Variants in SOAT1 observed in about 807,000 individuals in gnomAD.
The protein encoded by SOAT1 is sterol O-acyltransferase 1.
SOAT1 carries 55 observed loss-of-function variants against 69.5 expected under a neutral mutation model. The ratio of observed to expected loss-of-function variants is 0.79; its 90% CI spans 0.64 to 0.99. The LOEUF (loss-of-function observed/expected upper bound fraction) is 0.99, where lower values mean the gene tolerates loss of function less well. Among genes scored for constraint, SOAT1 ranks in the 50% least tolerant of loss-of-function variants. The pLI, the probability that SOAT1 is intolerant of heterozygous loss-of-function variation, is 0.00. For synonymous variants in SOAT1, 231 were observed against 224.7 expected (o/e 1.03, Z -0.25); for missense variants, 580 against 669.3 (o/e 0.87, Z 1.47).
At chr1:179,338,335 G>A (rs1666226221) in intron 5 of SOAT1, among the ~76,000 whole-genome samples, 1 of 152,146 alleles carries the variant, frequency 6.6e-6, no homozygotes, top group African/African-American at 2.4e-5. Flanking sequence ...GTTGCCATGG[G>A]CTGAGATTGT....
chr1:179,323,385 A>G (rs1042503272), intron 2 of SOAT1, 52 bp from the exon 3 acceptor site: 17 of 1,452,620 alleles, frequency 1.2e-5, no homozygotes, highest in Admixed American at 1.7e-5. Context: ...AGACAGTGCT[A>G]CTAGGTAGCT....
chr1:179,311,992 G>T (rs1665235403), intron 2 of SOAT1, among the ~76,000 whole-genome samples: 1 of 152,222 alleles, frequency 6.6e-6, no homozygotes, highest in Non-Finnish European at 1.5e-5. Context: ...TGTTGGAGAA[G>T]AGGTTGAAAG....
At chr1:179,301,862 C>T (rs969411299) in intron 1 of SOAT1, among the ~76,000 whole-genome samples, 4 of 152,152 alleles carry the variant, frequency 2.6e-5, no homozygotes, top group African/African-American at 9.7e-5. Flanking sequence ...CAGTTCTCAT[C>T]CTTCAAGACT....
chr1:179,353,529 A>G, intron 15 of SOAT1, 56 bp from the exon 16 acceptor site: 1 of 1,455,792 alleles, frequency 6.9e-7, no homozygotes, highest in Non-Finnish European at 9.6e-7. Context: ...CTATCTCCAC[A>G]CCTCCTCTAC....
intron 2 of SOAT1, among the ~76,000 whole-genome samples, chr1:179,307,454 TATCA>T (rs1161475653): frequency 6.6e-6 from 1 of 152,168 alleles, no homozygotes; most frequent in Non-Finnish European, 1.5e-5. Context: ...AGAAATACTG[TATCA>T]ACATCTTCTA....
chr1:179,324,376 C>T (rs2152318), intron 3 of SOAT1, among the ~76,000 whole-genome samples: 39,341 of 151,976 alleles, frequency 0.26, 5,299 homozygotes, highest in African/African-American at 0.31. Context: ...CTGTTTGAGT[C>T]CAAGGAGGAT....
intron 15 of SOAT1, among the ~76,000 whole-genome samples, chr1:179,353,229 T>TTATATAAATATATATATATTTATA (rs1666808437): frequency 7.1e-5 from 1 of 14,010 alleles, no homozygotes; most frequent in African/African-American, 2.4e-4. Context: ...ATATATCTAT[T>TTATATAAATATATATATATTTATA]TGTCGTCCTT....
chr1:179,295,758 C>G (rs1285090219), intron 1 of SOAT1, among the ~76,000 whole-genome samples: 4 of 152,042 alleles, frequency 2.6e-5, no homozygotes, highest in Non-Finnish European at 5.9e-5. Flanking sequence ...CATGCCCCAG[C>G]CTCCCAAGTA....
At chr1:179,300,894 G>A (rs962409223) in intron 1 of SOAT1, among the ~76,000 whole-genome samples, 3 of 152,012 alleles carry the variant, frequency 2.0e-5, no homozygotes, top group African/African-American at 7.3e-5. Context: ...TCAGAAGTTC[G>A]AGACCAGCGT....
At chr1:179,334,153 C>T (rs1666067001) in intron 3 of SOAT1, among the ~76,000 whole-genome samples, 1 of 152,198 alleles carries the variant, frequency 6.6e-6, no homozygotes, top group South Asian at 2.1e-4. Flanking sequence ...ACAGAGCCTG[C>T]TGCCTGGGAG....
At chr1:179,343,661 A>T in intron 10 of SOAT1, 26 bp downstream of exon 10, 1 of 1,552,186 alleles carries the variant, frequency 6.4e-7, no homozygotes, top group Non-Finnish European at 8.9e-7. Flanking sequence ...TGCCTAAGGT[A>T]TGTTGATTAG....
In SOAT1 at chr1:179,354,888, T is replaced by C. The variant is rs1666858509; in HGVS notation, c.*1247T>C. On this transcript the variant is annotated 3_prime_UTR_variant, in exon 16 of 16. Coordinates refer to ENST00000367619, the MANE Select transcript of SOAT1 (RefSeq NM_003101.6). ...GAGACCATGTAGTTCAACTTTCCAC[T>C]CAAAGTAAGATTTATGAATTATTTA... 6.6e-6 allele frequency: 1 copy of C among 152,210 alleles called. No individual in the cohort carries two copies. Among genetic ancestry groups the C allele is most frequent in the Admixed American group, 6.5e-5 (1 of 15,286 alleles). The allele number at this position is 152,210 out of a possible 1,614,324, so 9.4% of individuals were successfully genotyped here.
intron 2 of SOAT1, among the ~76,000 whole-genome samples, chr1:179,315,288 A>C (rs4446926): frequency 2.6e-5 from 4 of 151,902 alleles, no homozygotes; most frequent in Admixed American, 6.6e-5. Flanking sequence ...TTACAAAAAA[A>C]TTTTTTTTAA....
rs778233269 is a variant in SOAT1, at chr1:179,345,052, T to C, written c.1093T>C (p.Cys365Arg). The change falls in exon 11 of 16, where the codon TGT (cysteine) becomes CGT (arginine). Residue 365 changes from cysteine (C) to arginine (R), a missense_variant. By Grantham distance (180) the Cys-to-Arg change is radical. Coordinates refer to ENST00000367619, the MANE Select transcript of SOAT1 (RefSeq NM_003101.6). ...CTTCAGCGCTCGTGTTCTGGTCCTA[T>C]GTGTATTTAACTCCATCTTGCCAGG... ...EPFSARVLVLCVFNSILPGVL... is the reference protein window; with the variant it reads ...EPFSARVLVLRVFNSILPGVL... 2 of 1,614,056 alleles carry C rather than the reference T, an allele frequency of 1.2e-6. No homozygotes were observed. Among genetic ancestry groups the C allele is most frequent in the East Asian group, 2.2e-5 (1 of 44,888 alleles).
Position 179,353,630 on chromosome 1 carries a change from T to C in SOAT1, c.1642T>C (p.Tyr548His), listed in dbSNP as rs769406889. Residue 548 changes from tyrosine to histidine, a missense_variant, in exon 16 of 16, where the codon TAC becomes CAC. By Grantham distance (83) the Tyr-to-His change is moderately conservative (BLOSUM62 2). Transcript: ENST00000367619. ...YVRPRSWTCR[Y>H]VF ...CCGGCCACGTTCCTGGACTTGTCGT[T>C]ACGTGTTTTAGAAGCTTGGACTTTG... The C allele has an allele frequency of 6.2e-7, 1 of 1,613,748 alleles. No homozygotes were observed. The highest frequency in any genetic ancestry group is 2.2e-5 in the East Asian group (1 of 44,870).
intron 2 of SOAT1, among the ~76,000 whole-genome samples, chr1:179,316,766 C>G (rs1665410860): frequency 1.3e-5 from 2 of 152,160 alleles, no homozygotes; most frequent in African/African-American, 4.8e-5. Flanking sequence ...CAGTTCTGGC[C>G]AATTCTCAGC....
chr1:179,338,474 T>TA (rs1666231625), intron 5 of SOAT1, among the ~76,000 whole-genome samples: 1 of 152,208 alleles, frequency 6.6e-6, no homozygotes, highest in Non-Finnish European at 1.5e-5. Flanking sequence ...TATCAAAAGT[T>TA]ACTTTCTGTG....
chr1:179,327,397 G>A (rs549459400), intron 3 of SOAT1, among the ~76,000 whole-genome samples: 1 of 152,178 alleles, frequency 6.6e-6, no homozygotes, highest in Admixed American at 6.5e-5. Flanking sequence ...TGTCTCCAAG[G>A]TCCCTTTTAG....
At chr1:179,309,940 G>C (rs1389116578) in intron 2 of SOAT1, among the ~76,000 whole-genome samples, 2 of 151,888 alleles carry the variant, frequency 1.3e-5, no homozygotes, top group Non-Finnish European at 2.9e-5. Context: ...TGTTGCCCAG[G>C]CTGGAGTGGA....
Sources: allele counts gnomAD v4.1 joint callset (sites outside exome capture counted in the v4.1 genomes callset), GRCh38; gene constraint gnomAD v4.1.1; transcripts MANE v1.5; gene names NCBI Gene and HGNC (gene_info 2026-07-23, HGNC 2026-07-21).